Variants in SH3PXD2A observed in about 807,000 individuals in gnomAD.
SH3PXD2A encodes SH3 and PX domain-containing protein 2A.
SH3PXD2A carries 32 observed loss-of-function variants against 115.2 expected under a neutral mutation model. The ratio of observed to expected loss-of-function variants is 0.28; its 90% CI spans 0.21 to 0.37. The LOEUF (loss-of-function observed/expected upper bound fraction) is 0.37. Ranked by LOEUF, SH3PXD2A falls within the 10% of genes least tolerant of loss-of-function variation. The pLI is 1.00. For missense variants in SH3PXD2A, 1,328 were observed against 1,498.7 expected (o/e 0.89, Z 1.88); for synonymous variants, 610 against 629.1 (o/e 0.97, Z 0.45).
At chr10:103,772,075 C>A (rs1343410857) in intron 2 of SH3PXD2A, among the ~76,000 whole-genome samples, 1 of 152,230 alleles carries the variant, frequency 6.6e-6, no homozygotes, top group Non-Finnish European at 1.5e-5. Context: ...TCAACGAAAG[C>A]AAATCTCTGG....
rs147309149 is a variant in SH3PXD2A at position 103,733,911 on chromosome 10, C to T, written c.306+1821G>A. On this transcript the variant is annotated intron_variant, in intron 4 of 14. Coordinates refer to ENST00000369774, the MANE Select transcript of SH3PXD2A (RefSeq NM_001394015.1). ...TCAACTACAGGTGTGTGCTACCACG[C>T]CTGGCTAATTTTAAACTTTTTTTTT... Among the ~76,000 whole-genome samples, 22 of 147,150 alleles carry T rather than the reference C, an allele frequency of 1.5e-4. No homozygotes were observed. The East Asian group carries it at 3.7e-3, about 25-fold the overall frequency.
intron 6 of SH3PXD2A, among the ~76,000 whole-genome samples, chr10:103,670,225 T>C (rs2037438417): frequency 1.3e-5 from 2 of 152,178 alleles, no homozygotes. Context: ...TGGAGCGGTC[T>C]AGCAAGGCCT....
intron 1 of SH3PXD2A, among the ~76,000 whole-genome samples, chr10:103,818,194 C>T (rs547211215): frequency 1.3e-5 from 2 of 152,316 alleles, no homozygotes; most frequent in African/African-American, 4.8e-5. Flanking sequence ...CTAATTCCTG[C>T]AAGAGCCAAT....
intron 7 of SH3PXD2A, among the ~76,000 whole-genome samples, chr10:103,661,414 C>T (rs2134054355): frequency 6.6e-6 from 1 of 152,364 alleles, no homozygotes; most frequent in East Asian, 1.9e-4. Context: ...GCCAAGGAAG[C>T]TCAGAAAGAA....
chr10:103,751,885 C>T (rs1029153186), intron 3 of SH3PXD2A, among the ~76,000 whole-genome samples: 8 of 152,220 alleles, frequency 5.3e-5, no homozygotes, highest in African/African-American at 1.9e-4. Context: ...CCTGTCCAGG[C>T]CCTCGTGATC....
chr10:103,711,864 G>T (rs1286117616), intron 5 of SH3PXD2A, among the ~76,000 whole-genome samples: 1 of 152,096 alleles, frequency 6.6e-6, no homozygotes, highest in Admixed American at 6.5e-5. Flanking sequence ...CGACTAGCAG[G>T]GGCAACAGAG....
intron 8 of SH3PXD2A, among the ~76,000 whole-genome samples, chr10:103,633,972 A>G (rs1207150101): frequency 1.3e-5 from 2 of 152,142 alleles, no homozygotes; most frequent in African/African-American, 4.8e-5. Flanking sequence ...TGAGATACAG[A>G]CCATCATGCT....
chr10:103,764,369 G>A (rs188177107), intron 3 of SH3PXD2A, among the ~76,000 whole-genome samples: 172 of 152,280 alleles, frequency 1.1e-3, no homozygotes, highest in Admixed American at 0.011. Context: ...TGAAGTCCTG[G>A]AGAGTGAGTG....
chr10:103,718,130 T>C lies in SH3PXD2A; in HGVS notation c.398+6140A>G, dbSNP rs185137281. On this transcript the variant is annotated intron_variant, in intron 5 of 14. Transcript: ENST00000369774. ...AAGCAATCCTCCTGCCTCAGCCTCC[T>C]GAGTAGCGGGGACCACAGGCGTGTG... 3.6e-3 allele frequency among the ~76,000 whole-genome samples: 541 copies of C among 152,120 alleles called. 4 individuals are homozygous for C. The highest frequency in any genetic ancestry group is 0.012 in the African/African-American group (512 of 41,508).
intron 6 of SH3PXD2A, among the ~76,000 whole-genome samples, chr10:103,689,799 T>C (rs772829373): frequency 6.6e-5 from 10 of 152,134 alleles, no homozygotes; most frequent in Admixed American, 2.6e-4. Context: ...GCAGATAAAT[T>C]TGAGGCCAAA....
intron 10 of SH3PXD2A, among the ~76,000 whole-genome samples, chr10:103,619,891 G>A (rs2036577567): frequency 1.3e-5 from 2 of 152,218 alleles, no homozygotes; most frequent in African/African-American, 4.8e-5. Context: ...AGAACCCAGA[G>A]CCCTCCTCCC....
intron 2 of SH3PXD2A, among the ~76,000 whole-genome samples, chr10:103,767,977 GCTGTGTGAC>G (rs1368672472): frequency 6.6e-6 from 1 of 152,148 alleles, no homozygotes; most frequent in East Asian, 1.9e-4. Flanking sequence ...TGCTGCCCCA[GCTGTGTGAC>G]CTCAGGCAAG....
chr10:103,664,443 A>G (rs1425962362), intron 7 of SH3PXD2A, among the ~76,000 whole-genome samples: 1 of 152,268 alleles, frequency 6.6e-6, no homozygotes, highest in East Asian at 1.9e-4. Context: ...CGTTTCACGC[A>G]TGGGCAAAGC....
intron 3 of SH3PXD2A, among the ~76,000 whole-genome samples, chr10:103,749,240 G>A (rs375630865): frequency 2.0e-5 from 3 of 152,138 alleles, no homozygotes; most frequent in Non-Finnish European, 4.4e-5. Flanking sequence ...CACATACAAC[G>A]TAAACTCACA....
At position 103,650,312 on chromosome 10, in the gene SH3PXD2A, G is replaced by A. The variant is rs557983516; in HGVS notation, c.604+10671C>T. Among the ~76,000 whole-genome samples the A allele has an allele frequency of 3.1e-4, 47 of 152,294 alleles. No individual in the cohort carries two copies. The South Asian group carries it at 9.7e-3, about 32-fold the overall frequency. ...ACCACTGCACCAGCAGCCCACAGAT[G>A]TGCCACAGCCCTGCCTCAAACTCAC... On this transcript the variant is annotated intron_variant, in intron 8 of 14. Transcript: ENST00000369774.
intron 9 of SH3PXD2A, among the ~76,000 whole-genome samples, chr10:103,622,790 T>C (rs1356256130): frequency 1.3e-5 from 2 of 152,162 alleles, no homozygotes; most frequent in Non-Finnish European, 2.9e-5. Flanking sequence ...CGTGTGCCCC[T>C]GAGCCTAGGA....
chr10:103,730,838 A>AAT (rs1176848469), intron 4 of SH3PXD2A, among the ~76,000 whole-genome samples: 3 of 152,134 alleles, frequency 2.0e-5, no homozygotes, highest in African/African-American at 7.2e-5. Context: ...GCAGAGGAGA[A>AAT]ATGCACAGAG....
At chr10:103,658,745 A>C (rs1183742635) in intron 8 of SH3PXD2A, among the ~76,000 whole-genome samples, 1 of 152,226 alleles carries the variant, frequency 6.6e-6, no homozygotes, top group African/African-American at 2.4e-5. Flanking sequence ...ATGTTCAGGG[A>C]AACTCTTTCT....
At chr10:103,654,695 G>C (rs536203356) in intron 8 of SH3PXD2A, among the ~76,000 whole-genome samples, 2 of 152,238 alleles carry the variant, frequency 1.3e-5, no homozygotes, top group South Asian at 4.2e-4. Flanking sequence ...GGGATTACAG[G>C]CATAAGCCAC....
Sources: allele counts gnomAD v4.1 joint callset (sites outside exome capture counted in the v4.1 genomes callset), GRCh38; gene constraint gnomAD v4.1.1; transcripts MANE v1.5; gene names NCBI Gene and HGNC (gene_info 2026-07-23, HGNC 2026-07-21).